Variants in NTRK2 observed in about 807,000 individuals in gnomAD.
NTRK2 encodes neurotrophic receptor tyrosine kinase 2.
A neutral mutation model predicts 94.5 loss-of-function variants in NTRK2; 13 were observed. That is an observed-to-expected ratio of 0.14 (90% confidence interval 0.09 to 0.22). The LOEUF is 0.22. Ranked by LOEUF, NTRK2 falls within the 10% of genes least tolerant of loss-of-function variation. The pLI is 1.00. For synonymous variants in NTRK2, 372 were observed against 407.4 expected, an observed-to-expected ratio of 0.91 and a Z score of 1.05; for missense variants, 639 against 1,071.2, an observed-to-expected ratio of 0.60 and a Z score of 5.63.
At chr9:84,686,431 A>G (rs771898793) in intron 2 of NTRK2, among the ~76,000 whole-genome samples, 6 of 152,242 alleles carry the variant, frequency 3.9e-5, no homozygotes, top group Admixed American at 3.3e-4. Flanking sequence ...AGGTCTAATG[A>G]GAAAGATTTG....
At chr9:84,754,164 A>G (rs967956962) in intron 12 of NTRK2, among the ~76,000 whole-genome samples, 1 of 152,238 alleles carries the variant, frequency 6.6e-6, no homozygotes, top group Non-Finnish European at 1.5e-5. Context: ...TTAATGAATT[A>G]TAAGAAAGAG....
upstream of NTRK2, chr9:84,669,553 G>C (rs1343516146): frequency 6.5e-6 from 1 of 153,012 alleles, no homozygotes; most frequent in African/African-American, 2.4e-5. This position sits in a 1 kb window ranked among gnomAD's most constrained non-coding sequence, Gnocchi z 4.1. Flanking sequence ...TCTGCTTCTG[G>C]CCAGTGGCAC....
chr9:84,960,162 T>G (rs1052956507), intron 17 of NTRK2, among the ~76,000 whole-genome samples: 1 of 152,216 alleles, frequency 6.6e-6, no homozygotes, highest in African/African-American at 2.4e-5. Context: ...TCTAAAGTGT[T>G]AAAGAGATGT....
intron 14 of NTRK2, among the ~76,000 whole-genome samples, chr9:84,933,838 A>T (rs187649812): frequency 1.7e-4 from 26 of 152,368 alleles, no homozygotes; most frequent in African/African-American, 5.0e-4. Context: ...CTGGCTTATA[A>T]GAAGCCTGCC....
At chr9:84,721,773 T>G (rs1019527175) in intron 6 of NTRK2, among the ~76,000 whole-genome samples, 1 of 152,178 alleles carries the variant, frequency 6.6e-6, no homozygotes, top group East Asian at 1.9e-4. Flanking sequence ...ATGGGTAAGG[T>G]GGGACTACTG....
chr9:84,813,526 G>A (rs2072044382), intron 12 of NTRK2: 2 of 1,065,084 alleles, frequency 1.9e-6, no homozygotes, highest in Non-Finnish European at 2.3e-6. Context: ...TGCCATTGAG[G>A]GCTTTGTTAC....
At chr9:84,843,528 G>T (rs774176240) in intron 12 of NTRK2, among the ~76,000 whole-genome samples, 10 of 152,142 alleles carry the variant, frequency 6.6e-5, no homozygotes, top group African/African-American at 2.4e-4. Context: ...CTTTTTACCA[G>T]GGAAAGTTGC....
chr9:84,818,345 AG>A (rs1423561913), intron 12 of NTRK2, among the ~76,000 whole-genome samples: 4 of 152,190 alleles, frequency 2.6e-5, no homozygotes, highest in African/African-American at 9.7e-5. Context: ...GGTAACTCTT[AG>A]GTTCATGCAA....
At chr9:84,713,248 T>C (rs973769307) in intron 6 of NTRK2, among the ~76,000 whole-genome samples, 3 of 152,216 alleles carry the variant, frequency 2.0e-5, no homozygotes, top group African/African-American at 7.2e-5. Context: ...GGTTTTTCTG[T>C]TTCTTTACTT....
At chr9:84,809,882 G>GAA (rs35481612) in intron 12 of NTRK2, among the ~76,000 whole-genome samples, 1,337 of 118,602 alleles carry the variant, frequency 0.011, 24 homozygotes, top group East Asian at 0.035. Context: ...ACTCTGTCTG[G>GAA]AAAAAAAAAA....
At chr9:84,912,485 C>CCTCT (rs370968114) in intron 14 of NTRK2, among the ~76,000 whole-genome samples, 1 of 131,650 alleles carries the variant, frequency 7.6e-6, no homozygotes, top group Admixed American at 7.9e-5. Context: ...ATTTCATATC[C>CCTCT]CTCTCTCTCT....
intron 12 of NTRK2, among the ~76,000 whole-genome samples, chr9:84,797,776 A>ATT (rs1491352174): frequency 1.7e-4 from 12 of 72,080 alleles, no homozygotes; most frequent in African/African-American, 7.1e-4. Context: ...TAATATATAT[A>ATT]ATATATATTA....
At chr9:84,858,689 G>A (rs1377888307) in intron 12 of NTRK2, among the ~76,000 whole-genome samples, 1 of 152,004 alleles carries the variant, frequency 6.6e-6, no homozygotes, top group Non-Finnish European at 1.5e-5. Context: ...TCCACCGAGA[G>A]CTTCTCAAGT....
At chr9:84,875,383 T>G (rs1477219157) in intron 14 of NTRK2, 2 of 1,061,456 alleles carry the variant, frequency 1.9e-6, no homozygotes, top group Non-Finnish European at 2.3e-6. Context: ...ACATGAGGCC[T>G]GTGTTATGCG....
In NTRK2 at chr9:84,730,740, C is replaced by CAAAA. The variant is rs376667135; in HGVS notation, c.1159+2798_1159+2801dup. On this transcript the variant is annotated intron_variant, in intron 9 of 18. Coordinates refer to ENST00000277120, the MANE Select transcript of NTRK2 (RefSeq NM_006180.6). The stretch of plus-strand genomic sequence containing the variant: ...TGGGCGACAGAGCGAGACTCCGTCT[C>CAAAA]AAAAAAAAAAAAAAAAAAAACTAAA... Among the ~76,000 whole-genome samples, 8 of 14,920 alleles carry CAAAA rather than the reference C, an allele frequency of 5.4e-4. 1 individual carries two copies. The highest frequency in any genetic ancestry group is 1.6e-3 in the African/African-American group (5 of 3,056). 9.8% of individuals were successfully genotyped at this position (14,920 alleles called of 152,430 possible). A position where few individuals can be genotyped will look rare whatever the true frequency, so the allele number is the denominator to read the frequency against.
intron 15 of NTRK2, among the ~76,000 whole-genome samples, chr9:84,943,250 C>G (rs936139637): frequency 1.3e-5 from 2 of 152,236 alleles, no homozygotes; most frequent in African/African-American, 2.4e-5. Context: ...CTACAATATT[C>G]TATCACACCA....
intron 13 of NTRK2, among the ~76,000 whole-genome samples, chr9:84,862,911 G>C (rs541666543): frequency 3.9e-5 from 6 of 152,238 alleles, no homozygotes; most frequent in African/African-American, 1.4e-4. Context: ...GCCCTGGGGT[G>C]GGGAGGGCAG....
intron 9 of NTRK2, among the ~76,000 whole-genome samples, chr9:84,740,938 T>C (rs1265563348): frequency 6.6e-6 from 1 of 152,206 alleles, no homozygotes; most frequent in Admixed American, 6.5e-5. Context: ...CTGAGTAAGC[T>C]TTATGGTTTA....
intron 17 of NTRK2, among the ~76,000 whole-genome samples, chr9:85,016,746 T>A (rs1304523436): frequency 3.9e-5 from 6 of 152,178 alleles, no homozygotes; most frequent in African/African-American, 1.4e-4. Flanking sequence ...ATGTACTAAA[T>A]GGGCTTAGAA....
Sources: gnomAD v4.1 joint callset for allele counts (sites outside exome capture counted in the v4.1 genomes callset) on GRCh38, gnomAD v4.1.1 for gene constraint, Gnocchi (gnomAD v3.1) non-coding constraint, MANE v1.5 for transcripts, NCBI Gene and HGNC (gene_info 2026-07-23, HGNC 2026-07-21) for gene names.